The following MYOM1 variants were observed in gnomAD, a reference collection of about 807,000 sequenced individuals.
The protein encoded by MYOM1 is myomesin 1.
A neutral mutation model predicts 205.3 loss-of-function variants in MYOM1; 164 were observed. That is an observed-to-expected ratio of 0.80 (90% CI 0.70 to 0.91). The LOEUF (loss-of-function observed/expected upper bound fraction) is 0.91. Among genes scored for constraint, MYOM1 ranks in the 40% least tolerant of loss-of-function variants. MYOM1 has a pLI of 0.00. For missense variants in MYOM1, 2,011 were observed against 2,127.3 expected, an observed-to-expected ratio of 0.95 and a Z score of 1.08; for synonymous variants, 772 against 789.4, an observed-to-expected ratio of 0.98 and a Z score of 0.37.
chr18:3,204,000 CA>C (rs984741507), intron 2 of MYOM1, among the ~76,000 whole-genome samples: 28 of 151,804 alleles, frequency 1.8e-4, no homozygotes, highest in African/African-American at 6.0e-4. Flanking sequence ...GAATAAAAAG[CA>C]AAAACCATAT....
At chr18:3,201,395 C>T (rs1275423175) in intron 2 of MYOM1, among the ~76,000 whole-genome samples, 3 of 149,692 alleles carry the variant, frequency 2.0e-5, no homozygotes, top group Non-Finnish European at 4.4e-5. Context: ...AGTGAGACTC[C>T]GTCTCAAAAA....
intron 23 of MYOM1, 72 bp downstream of exon 23, chr18:3,102,402 T>A: frequency 2.1e-6 from 3 of 1,398,162 alleles, no homozygotes; most frequent in Non-Finnish European, 2.9e-6. Context: ...GCAATTTAAG[T>A]GGAAATCAGA....
intron 22 of MYOM1, among the ~76,000 whole-genome samples, chr18:3,109,790 C>T (rs2079500000): frequency 6.6e-6 from 1 of 151,938 alleles, no homozygotes; most frequent in Non-Finnish European, 1.5e-5. Flanking sequence ...ATTATTTTTT[C>T]TTTCCTATTC....
chr18:3,143,326 A>G (rs1224251466), intron 13 of MYOM1, among the ~76,000 whole-genome samples: 1 of 152,224 alleles, frequency 6.6e-6, no homozygotes, highest in Non-Finnish European at 1.5e-5. Context: ...TTTTTTTTAC[A>G]TAACAAAAGA....
chr18:3,236,534 C>T, the MYOM1 span: 1 of 152,182 alleles, frequency 6.6e-6, no homozygotes. Context: ...AAAGAGGTGG[C>T]AAAGGTGAGT....
intron 16 of MYOM1, among the ~76,000 whole-genome samples, chr18:3,133,972 C>T (rs2079914296): frequency 6.6e-6 from 1 of 152,154 alleles, no homozygotes; most frequent in Non-Finnish European, 1.5e-5. Context: ...AAGGAATTCT[C>T]CCACTTCAAC....
chr18:3,190,591 T>C (rs753500647), intron 3 of MYOM1: 15 of 152,186 alleles, frequency 9.9e-5, no homozygotes, highest in Non-Finnish European at 1.6e-4. Flanking sequence ...GTTAGTAATA[T>C]GTCCATTATT....
At chr18:3,205,087 G>T (rs1451315272) in intron 2 of MYOM1, among the ~76,000 whole-genome samples, 3 of 152,192 alleles carry the variant, frequency 2.0e-5, no homozygotes, top group Admixed American at 2.0e-4. Context: ...ATGCATCACA[G>T]TTCTAAATAT....
At chr18:3,188,670 C>T in intron 4 of MYOM1, 78 bp downstream of exon 4, 1 of 708,688 alleles carries the variant, frequency 1.4e-6, no homozygotes, top group Non-Finnish European at 1.9e-6. Context: ...TATATCTACA[C>T]ACACACACAC....
At chr18:3,157,723 A>AATAATAATC (rs1332152023) in intron 10 of MYOM1, among the ~76,000 whole-genome samples, 1 of 134,192 alleles carries the variant, frequency 7.5e-6, no homozygotes, top group African/African-American at 2.8e-5. Flanking sequence ...TAATAATAAT[A>AATAATAATC]ATCCTTCTTT....
intron 25 of MYOM1, among the ~76,000 whole-genome samples, chr18:3,099,739 T>C (rs1214668335): frequency 6.6e-6 from 1 of 152,256 alleles, no homozygotes; most frequent in African/African-American, 2.4e-5. Context: ...TGTCTTTATA[T>C]TGTCTTTATT....
chr18:3,124,741 G>A (rs2079754632), intron 19 of MYOM1, among the ~76,000 whole-genome samples: 1 of 152,116 alleles, frequency 6.6e-6, no homozygotes, highest in Non-Finnish European at 1.5e-5. Context: ...TGACAGAAAT[G>A]TAAGTGGCAA....
At chr18:3,211,630 A>G (rs983990321) in intron 2 of MYOM1, among the ~76,000 whole-genome samples, 3 of 152,106 alleles carry the variant, frequency 2.0e-5, no homozygotes, top group African/African-American at 7.2e-5. Context: ...TTCCTAAATT[A>G]TTTTCTTTAT....
chr18:3,114,395 C>G (rs1428794924), intron 21 of MYOM1, among the ~76,000 whole-genome samples: 1 of 118,018 alleles, frequency 8.5e-6, no homozygotes, highest in African/African-American at 3.1e-5. Flanking sequence ...TTTTTTTTTT[C>G]GAGACAGAGT....
chr18:3,123,478 TAAAAAGACCAAAACGA>T (rs1459416073), intron 19 of MYOM1, among the ~76,000 whole-genome samples: 2 of 152,058 alleles, frequency 1.3e-5, no homozygotes, highest in Non-Finnish European at 2.9e-5. Context: ...TAAGAGGCTT[TAAAAAGACCAAAACGA>T]ATGAAGAAAA....
chr18:3,217,151 T>A (rs990684739), intron 1 of MYOM1: 18 of 152,346 alleles, frequency 1.2e-4, no homozygotes, highest in African/African-American at 3.4e-4. Flanking sequence ...TGTAAGGTAA[T>A]AAGTTTCTGT....
At chr18:3,206,958 T>C (rs1026659172) in intron 2 of MYOM1, among the ~76,000 whole-genome samples, 1 of 152,142 alleles carries the variant, frequency 6.6e-6, no homozygotes, top group South Asian at 2.1e-4. Context: ...TACACTAATC[T>C]CTTCTCTTCA....
chr18:3,143,518 T>C (rs2080081470), intron 13 of MYOM1, among the ~76,000 whole-genome samples: 1 of 152,178 alleles, frequency 6.6e-6, no homozygotes. Context: ...ACAGTCAAAA[T>C]AATAATATCG....
intron 19 of MYOM1, among the ~76,000 whole-genome samples, chr18:3,122,830 A>G (rs2079716901): frequency 6.6e-6 from 1 of 152,242 alleles, no homozygotes; most frequent in Admixed American, 6.5e-5. Context: ...GATAATTTTA[A>G]TTAACTGTTG....
Sources: allele counts gnomAD v4.1 joint callset (sites outside exome capture counted in the v4.1 genomes callset), GRCh38; gene constraint gnomAD v4.1.1; transcripts MANE v1.5; gene names NCBI Gene and HGNC (gene_info 2026-07-23, HGNC 2026-07-21).